The following ANO3 variants were observed in gnomAD, a reference collection of about 807,000 sequenced individuals.
The protein encoded by ANO3 is anoctamin 3, also known as anoctamin-3.
A neutral mutation model predicts 144.8 loss-of-function variants in ANO3; 99 were observed. The ratio of observed to expected loss-of-function variants is 0.68; its 90% confidence interval spans 0.58 to 0.81. The LOEUF (loss-of-function observed/expected upper bound fraction) is 0.81. Among genes scored for constraint, ANO3 ranks in the 30% least tolerant of loss-of-function variants. ANO3 has a pLI of 0.00. For synonymous variants in ANO3, 414 were observed against 392.6 expected (o/e 1.05, Z -0.64); for missense variants, 905 against 1,202.2 (o/e 0.75, Z 3.66).
intron 24 of ANO3, among the ~76,000 whole-genome samples, chr11:26,653,091 A>G (rs576613414): frequency 1.2e-4 from 18 of 152,188 alleles, no homozygotes; most frequent in Non-Finnish European, 2.4e-4. Flanking sequence ...CTGTATTTCT[A>G]TTTATTTCCT....
chr11:26,343,944 T>C (rs1448212828), intron 1 of ANO3, among the ~76,000 whole-genome samples: 3 of 152,216 alleles, frequency 2.0e-5, no homozygotes, highest in Non-Finnish European at 4.4e-5. Flanking sequence ...ACATGATTCC[T>C]ACAAAAGCTC....
chr11:26,644,887 A>ATG lies in ANO3; in HGVS notation c.2428+1561_2428+1562dup, dbSNP rs544736217. On this transcript the variant is annotated intron_variant, in intron 23 of 26. Coordinates refer to ENST00000256737, the MANE Select transcript of ANO3 (RefSeq NM_031418.4). ...ATACTATAACTGTGTGTATAAATAT[A>ATG]TGTGTGTGTACATATATATATAAAC... Among the ~76,000 whole-genome samples, 266 of 152,058 alleles carry ATG rather than the reference A, an allele frequency of 1.7e-3. 2 individuals are homozygous for ATG. Among genetic ancestry groups the ATG allele is most frequent in the Admixed American group, 5.0e-3 (77 of 15,250 alleles).
chr11:26,401,960 A>C (rs1228951998), intron 1 of ANO3, among the ~76,000 whole-genome samples: 2 of 152,004 alleles, frequency 1.3e-5, no homozygotes. Context: ...CAGCTTAAAC[A>C]GTGAGGAACA....
chr11:26,406,724 T>TGG (rs1491490179), intron 1 of ANO3, among the ~76,000 whole-genome samples: 15 of 134,890 alleles, frequency 1.1e-4, no homozygotes, highest in Admixed American at 6.2e-4. Flanking sequence ...TGTGTGTGTG[T>TGG]GGATTGGTGG....
chr11:26,293,325 A>G (rs1438519193), intron 1 of ANO3, among the ~76,000 whole-genome samples: 1 of 151,738 alleles, frequency 6.6e-6, no homozygotes, highest in Non-Finnish European at 1.5e-5. Flanking sequence ...TAGAAAAACA[A>G]GAGAGGCTAA....
intron 18 of ANO3, 84 bp from the exon 19 acceptor site, chr11:26,634,120 G>A: frequency 1.0e-5 from 6 of 602,508 alleles, no homozygotes; most frequent in South Asian, 5.1e-5. Flanking sequence ...AGACAAACTT[G>A]AACTTGGGGT....
intron 4 of ANO3, among the ~76,000 whole-genome samples, chr11:26,491,338 G>T (rs1383894513): frequency 6.6e-6 from 1 of 152,160 alleles, no homozygotes; most frequent in Non-Finnish European, 1.5e-5. Flanking sequence ...CTAGGCACTA[G>T]ACCAAGGACC....
At chr11:26,509,052 C>T (rs1861545158) in intron 5 of ANO3, among the ~76,000 whole-genome samples, 1 of 149,534 alleles carries the variant, frequency 6.7e-6, no homozygotes, top group African/African-American at 2.5e-5. Flanking sequence ...ACAAAATTAG[C>T]CATGATATAT....
intron 1 of ANO3, among the ~76,000 whole-genome samples, chr11:26,259,427 A>G (rs1590220404): frequency 6.6e-6 from 1 of 152,096 alleles, no homozygotes; most frequent in Non-Finnish European, 1.5e-5. Context: ...AGGCAGGCGG[A>G]TCATGAGGTC....
At chr11:26,254,664 G>C (rs545949044) in intron 1 of ANO3, among the ~76,000 whole-genome samples, 12 of 152,062 alleles carry the variant, frequency 7.9e-5, no homozygotes, top group Non-Finnish European at 1.6e-4. Flanking sequence ...CTTGAGACAT[G>C]ATATGTTTTA....
chr11:26,286,497 G>C (rs1025600778), intron 1 of ANO3, among the ~76,000 whole-genome samples: 1 of 152,164 alleles, frequency 6.6e-6, no homozygotes, highest in Admixed American at 6.5e-5. Context: ...CTAATGTGTG[G>C]TGTTTCTAAT....
chr11:26,190,272 T>C (rs967308458), intron 1 of ANO3, among the ~76,000 whole-genome samples: 5 of 152,302 alleles, frequency 3.3e-5, no homozygotes, highest in African/African-American at 7.2e-5. Flanking sequence ...AACTTCTTTA[T>C]TATATAACCC....
intron 1 of ANO3, among the ~76,000 whole-genome samples, chr11:26,373,978 T>A (rs1856333646): frequency 6.6e-6 from 1 of 152,200 alleles, no homozygotes; most frequent in Non-Finnish European, 1.5e-5. Flanking sequence ...TTAATTTTTA[T>A]ATAGATTTAA....
At chr11:26,624,743 T>A (rs1159054839) in intron 18 of ANO3, among the ~76,000 whole-genome samples, 2 of 152,218 alleles carry the variant, frequency 1.3e-5, no homozygotes, top group African/African-American at 4.8e-5. Flanking sequence ...TTAGGAGTGC[T>A]TGCTTCTCCA....
At chr11:26,637,622 G>A (rs946773753) in intron 20 of ANO3, among the ~76,000 whole-genome samples, 1 of 152,144 alleles carries the variant, frequency 6.6e-6, no homozygotes. Context: ...GAGAGTTCAG[G>A]AAATGCTAAA....
chr11:26,284,750 A>G (rs969728707), intron 1 of ANO3, among the ~76,000 whole-genome samples: 1 of 151,754 alleles, frequency 6.6e-6, no homozygotes, highest in African/African-American at 2.4e-5. Flanking sequence ...AAAAAATACA[A>G]AAAAAATTAG....
chr11:26,533,200 G>A (rs906487549), intron 8 of ANO3, among the ~76,000 whole-genome samples: 4 of 152,054 alleles, frequency 2.6e-5, no homozygotes, highest in Non-Finnish European at 5.9e-5. Context: ...GTAAGAGAGA[G>A]AGCAGCACAT....
chr11:26,189,114 C>G (rs902652954), exon 1 of ANO3: 5 of 767,934 alleles, frequency 6.5e-6, no homozygotes, highest in Non-Finnish European at 3.2e-6. Flanking sequence ...TTTTCCTATC[C>G]CTTAATTTTA....
intron 4 of ANO3, among the ~76,000 whole-genome samples, chr11:26,505,393 A>G (rs1861384978): frequency 6.6e-6 from 1 of 152,214 alleles, no homozygotes; most frequent in African/African-American, 2.4e-5. Context: ...AAGTGAAGAA[A>G]TCAAGAAGGC....
Sources: gnomAD v4.1 joint callset for allele counts (sites outside exome capture counted in the v4.1 genomes callset) on GRCh38, gnomAD v4.1.1 for gene constraint, MANE v1.5 for transcripts, NCBI Gene and HGNC (gene_info 2026-07-23, HGNC 2026-07-21) for gene names.